Variants in SKIC3 observed in about 807,000 individuals in gnomAD.
SKIC3 encodes SKI3 subunit of superkiller complex.
chr5:95,535,307 ATTTTTTTTTTT>A, the SKIC3 span, among the ~76,000 whole-genome samples: 1 of 91,808 alleles, frequency 1.1e-5, no homozygotes, highest in Non-Finnish European at 2.1e-5. Context: ...GGTAACAGCA[ATTTTTTTTTTT>A]TTTTTTTTTT....
chr5:95,553,731 G>A, the SKIC3 span, among the ~76,000 whole-genome samples: 1 of 152,086 alleles, frequency 6.6e-6, no homozygotes, highest in South Asian at 2.1e-4. Context: ...AGTATTTTGC[G>A]TATTTTTCGT....
the SKIC3 span, among the ~76,000 whole-genome samples, chr5:95,541,098 C>G: frequency 2.0e-5 from 3 of 152,214 alleles, no homozygotes; most frequent in East Asian, 5.8e-4. Flanking sequence ...TCCTGAGTAG[C>G]TGGTATTACA....
the SKIC3 span, among the ~76,000 whole-genome samples, chr5:95,535,640 G>GA: frequency 8.0e-4 from 113 of 141,256 alleles, no homozygotes; most frequent in African/African-American, 1.4e-3. Context: ...CAGACACCAG[G>GA]AAAAAAAAAA....
the SKIC3 span, among the ~76,000 whole-genome samples, chr5:95,480,000 A>G: frequency 5.3e-5 from 8 of 152,184 alleles, no homozygotes; most frequent in African/African-American, 1.9e-4. Flanking sequence ...CTGTAATTCA[A>G]TGGGGACTGA....
the SKIC3 span, chr5:95,478,484 T>A: frequency 6.2e-7 from 1 of 1,612,418 alleles, no homozygotes; most frequent in African/African-American, 1.3e-5. Flanking sequence ...GATTTTAGTT[T>A]ATTATGCAGT....
chr5:95,552,955 T>TA, the SKIC3 span, among the ~76,000 whole-genome samples: 271 of 152,162 alleles, frequency 1.8e-3, 1 homozygote, highest in Non-Finnish European at 2.9e-3. Flanking sequence ...AATGAATGGT[T>TA]AAAAATAGAG....
At chr5:95,472,957 C>A in the SKIC3 span, among the ~76,000 whole-genome samples, 1 of 152,018 alleles carries the variant, frequency 6.6e-6, no homozygotes, top group Non-Finnish European at 1.5e-5. Flanking sequence ...TTTTTTATGG[C>A]TGTATAGTAT....
At chr5:95,530,437 T>C in the SKIC3 span, among the ~76,000 whole-genome samples, 1 of 152,184 alleles carries the variant, frequency 6.6e-6, no homozygotes, top group Non-Finnish European at 1.5e-5. Flanking sequence ...TCTTCTTAAA[T>C]ACTGGAAGTA....
At chr5:95,521,954 G>C in the SKIC3 span, 4 of 1,490,804 alleles carry the variant, frequency 2.7e-6, no homozygotes, top group Non-Finnish European at 3.7e-6. Flanking sequence ...GACTAAAGAA[G>C]TCCTTTTCAA....
the SKIC3 span, chr5:95,525,514 C>T: frequency 6.2e-7 from 1 of 1,613,788 alleles, no homozygotes; most frequent in South Asian, 1.1e-5. Context: ...ATAAAGTAGA[C>T]ACCTGTCAAT....
chr5:95,530,108 A>G, the SKIC3 span: 2 of 1,613,370 alleles, frequency 1.2e-6, no homozygotes, highest in African/African-American at 2.7e-5. Flanking sequence ...GGTTCCTAAC[A>G]GCATCTTCAT....
the SKIC3 span, chr5:95,541,758 C>A: frequency 3.3e-6 from 4 of 1,214,046 alleles, no homozygotes; most frequent in East Asian, 2.4e-5. Context: ...GATTTTTAAT[C>A]AGTTTATTAA....
the SKIC3 span, chr5:95,464,554 T>C: frequency 7.3e-6 from 10 of 1,369,692 alleles, no homozygotes; most frequent in Non-Finnish European, 1.0e-5. Flanking sequence ...CTTGATTCAT[T>C]GCTTCATTCT....
the SKIC3 span, chr5:95,547,174 TA>T: frequency 6.2e-7 from 1 of 1,605,080 alleles, no homozygotes; most frequent in Non-Finnish European, 8.5e-7. Context: ...AAAGCCTGAG[TA>T]AATCTACAGT....
chr5:95,488,968 G>A, the SKIC3 span, among the ~76,000 whole-genome samples: 2 of 152,012 alleles, frequency 1.3e-5, no homozygotes, highest in African/African-American at 4.8e-5. Context: ...TAGCTGAATG[G>A]ATTAAAAAAA....
the SKIC3 span, among the ~76,000 whole-genome samples, chr5:95,486,157 C>G: frequency 1.3e-5 from 2 of 152,256 alleles, no homozygotes; most frequent in East Asian, 3.9e-4. Flanking sequence ...GAGTGAGGCA[C>G]TATTTTGAGA....
chr5:95,527,215 A>G, the SKIC3 span, among the ~76,000 whole-genome samples: 8 of 152,094 alleles, frequency 5.3e-5, no homozygotes, highest in African/African-American at 1.7e-4. Context: ...TACATTTTCT[A>G]TCTCAGACCT....
chr5:95,541,380 A>C, the SKIC3 span: 1 of 1,613,584 alleles, frequency 6.2e-7, no homozygotes, highest in Non-Finnish European at 8.5e-7. Flanking sequence ...GCTTGTCAAC[A>C]CTTAGAACAA....
the SKIC3 span, among the ~76,000 whole-genome samples, chr5:95,532,102 G>C: frequency 2.0e-5 from 3 of 152,028 alleles, no homozygotes; most frequent in Non-Finnish European, 4.4e-5. Flanking sequence ...ATTTATGACA[G>C]ACTACCTTGA....
Sources: allele counts gnomAD v4.1 joint callset (sites outside exome capture counted in the v4.1 genomes callset), GRCh38; gene constraint gnomAD v4.1.1; transcripts MANE v1.5; gene names NCBI Gene and HGNC (gene_info 2026-07-23, HGNC 2026-07-21).